NOD1: variants seen among roughly 807,000 people sequenced by gnomAD.
NOD1 encodes the protein nucleotide-binding oligomerization domain-containing protein 1.
NOD1 carries 70 observed loss-of-function variants against 81.2 expected under a neutral mutation model. The ratio of observed to expected loss-of-function variants is 0.86; its 90% confidence interval spans 0.71 to 1.05. The LOEUF (loss-of-function observed/expected upper bound fraction) is 1.05, where lower values mean the gene tolerates loss of function less well. Ranked by LOEUF, NOD1 falls within the 50% of genes least tolerant of loss-of-function variation. The probability of loss-of-function intolerance (pLI) is 0.00; values close to 1 mark genes in which losing one functional copy is unlikely to be tolerated. For missense variants in NOD1, 1,233 were observed against 1,228.0 expected, an observed-to-expected ratio of 1.00 and a Z score of -0.06; for synonymous variants, 508 against 526.9, an observed-to-expected ratio of 0.96 and a Z score of 0.49.
intron 1 of NOD1, among the ~76,000 whole-genome samples, chr7:30,474,302 T>C (rs993557641): frequency 6.6e-6 from 1 of 152,254 alleles, no homozygotes; most frequent in South Asian, 2.1e-4. Context: ...CATCAAATAC[T>C]GAAAACTGCC....
In NOD1 at chr7:30,459,143, T is replaced by G. The variant is rs55816947; in HGVS notation, c.-122+9A>C. On this transcript the variant is annotated intron_variant, in intron 3 of 13. Transcript: ENST00000222823. Reference sequence around the variant, plus strand: ...ACAATATTAAATTTAAATTAGCAGTTAATAATACCTTTTTAAGTTTCTGGC... The same window carrying G: ...ACAATATTAAATTTAAATTAGCAGTGAATAATACCTTTTTAAGTTTCTGGC... 79 of 152,784 alleles carry G rather than the reference T, an allele frequency of 5.2e-4. No individual in the cohort carries two copies. The highest frequency in any genetic ancestry group is 8.2e-4 in the Non-Finnish European group (56 of 68,032). The allele number at this position is 152,784 out of a possible 1,614,324, so 9.5% of individuals were successfully genotyped here. A position where few individuals can be genotyped will look rare whatever the true frequency, so the allele number is the denominator to read the frequency against.
At chr7:30,460,779 C>A in intron 1 of NOD1, 2 of 756,406 alleles carry the variant, frequency 2.6e-6, no homozygotes, top group Non-Finnish European at 3.2e-6. Flanking sequence ...TTCTTTCTAG[C>A]TTTCTGCCCT....
Position 30,451,756 on chromosome 7 carries a change from G to A in NOD1, c.1661C>T (p.Ala554Val), listed in dbSNP as rs5743344. The change falls in exon 6 of 14, where the codon GCG becomes GTG. Residue 554 changes from alanine (A) to valine (V), a missense_variant. By Grantham distance (64) the Ala-to-Val change is moderately conservative. Coordinates refer to ENST00000222823, the MANE Select transcript of NOD1 (RefSeq NM_006092.4). This position sits in a 1 kb window ranked among gnomAD's most constrained non-coding sequence, Gnocchi z 4.2. ...GAAGGGAGGATAGCAGGACGTGGTC[G>A]CTGCCCCCGCAGGGGGCATCCACTC... ...FQEWMPPAGA[A>V]TTSCYPPFLP... The A allele has an allele frequency of 1.3e-4, 216 of 1,613,562 alleles. No individual in the cohort carries two copies. Among genetic ancestry groups the A allele is most frequent in the Middle Eastern group, 4.9e-4 (3 of 6,076 alleles).
intron 12 of NOD1, among the ~76,000 whole-genome samples, chr7:30,429,783 G>C (rs944526594): frequency 6.6e-6 from 1 of 152,196 alleles, no homozygotes; most frequent in African/African-American, 2.4e-5. Flanking sequence ...TGTAATCCCA[G>C]CACTTTGGGA....
rs1352169396 is a variant in NOD1 at position 30,448,306 on chromosome 7, G to A, written c.2277C>T (p.Thr759=). ...TCTGGAGAAAGACATACCCCAAATA[G>A]GTCACAATTTTGTATTTGGTCAGCT... ...SEELTKYKIV[T]YLGLYNNQIT... is the part of the protein sequence containing the mutation. The change falls in exon 7 of 14, where the codon ACC becomes ACT. Residue 759 remains threonine (T), a synonymous_variant. Transcript: ENST00000222823. 1 of 1,613,218 alleles carries A rather than the reference G, an allele frequency of 6.2e-7. No individual in the cohort carries two copies. Among genetic ancestry groups the A allele is most frequent in the Admixed American group, 1.7e-5 (1 of 60,022 alleles).
rs1337303418 is a variant in NOD1, at chr7:30,472,689, C to G, written c.-352+5917G>C. 2.6e-5 allele frequency among the ~76,000 whole-genome samples: 4 copies of G among 152,204 alleles called. No homozygotes were observed. The South Asian group carries it at 8.3e-4, about 32-fold the overall frequency. ...TGGAGCCCCAATGATGGGATTAGTG[C>G]CCTTATAGCAAGAGACATGAGAAAC... is the stretch of plus-strand genomic sequence containing the variant. On this transcript the variant is annotated intron_variant, in intron 1 of 13. Coordinates refer to ENST00000222823, the MANE Select transcript of NOD1 (RefSeq NM_006092.4).
At chr7:30,463,598 TACAC>T in intron 1 of NOD1, 1 of 152,714 alleles carries the variant, frequency 6.5e-6, no homozygotes, top group East Asian at 1.9e-4. Context: ...AAACCACAGA[TACAC>T]ACTCACTCAG....
At chr7:30,432,966 G>A (rs2127997074) in intron 12 of NOD1, 130 bp downstream of exon 12, 1 of 671,938 alleles carries the variant, frequency 1.5e-6, no homozygotes, top group East Asian at 2.7e-5. Flanking sequence ...AGAATTAGGT[G>A]GTGATGGTTG....
At chr7:30,449,578 G>T (rs1262831882) in intron 6 of NOD1, among the ~76,000 whole-genome samples, 4 of 152,238 alleles carry the variant, frequency 2.6e-5, no homozygotes, top group Admixed American at 2.6e-4. Flanking sequence ...GCCGGGTAGT[G>T]AGGATGGCAG....
intron 12 of NOD1, among the ~76,000 whole-genome samples, chr7:30,430,784 T>C (rs893268777): frequency 2.0e-5 from 3 of 152,220 alleles, no homozygotes; most frequent in African/African-American, 7.2e-5. Flanking sequence ...GGAGCTCTTG[T>C]CACTGTTACT....
intron 5 of NOD1, among the ~76,000 whole-genome samples, chr7:30,454,717 T>C (rs1027394068): frequency 1.3e-5 from 2 of 152,018 alleles, no homozygotes; most frequent in African/African-American, 2.4e-5. Context: ...GCTGCAGCCT[T>C]AGACTCTGGG....
chr7:30,475,241 C>G (rs143280655), intron 1 of NOD1, among the ~76,000 whole-genome samples: 85 of 152,324 alleles, frequency 5.6e-4, no homozygotes, highest in Non-Finnish European at 1.0e-3. Flanking sequence ...TACCAAATGA[C>G]TACATTCTCC....
At chr7:30,462,683 T>G (rs1343517225) in intron 1 of NOD1, among the ~76,000 whole-genome samples, 1 of 152,182 alleles carries the variant, frequency 6.6e-6, no homozygotes, top group African/African-American at 2.4e-5. Context: ...GTGCAGTGGC[T>G]CACGCTTGTA....
At position 30,460,535 on chromosome 7, in the gene NOD1, AG is replaced by A. The variant is rs1386381436; in HGVS notation, c.-351-495del. ...TTGGAGATCCTGGTAAGACAGCTCC[AG>A]GGATACCCAAAGGAAAAAACCAAGC... On this transcript the variant is annotated intron_variant, in intron 1 of 13. Coordinates refer to ENST00000222823, the MANE Select transcript of NOD1 (RefSeq NM_006092.4). 6.1e-6 allele frequency: 6 copies of A among 985,328 alleles called. No individual in the cohort carries two copies. The African/African-American group carries it at 1.0e-4, about 17-fold the overall frequency. The allele number at this position is 985,328 out of a possible 1,614,324, so 61.0% of individuals were successfully genotyped here.
chr7:30,430,779 T>G (rs17159048), intron 12 of NOD1, among the ~76,000 whole-genome samples: 2,893 of 152,250 alleles, frequency 0.019, 97 homozygotes, highest in East Asian at 0.14. Context: ...GGAAGGGAGC[T>G]CTTGTCACTG....
At position 30,461,599 on chromosome 7, in the gene NOD1, A is replaced by G. The variant is rs186240107; in HGVS notation, c.-351-1558T>C. On this transcript the variant is annotated intron_variant, in intron 1 of 13. Coordinates refer to ENST00000222823, the MANE Select transcript of NOD1 (RefSeq NM_006092.4). ...TGGATCAACCACATTTCCAGTGCTC[A>G]AGAGCCACATGCGGCCAGGGGCTAC... Among the ~76,000 whole-genome samples the G allele has an allele frequency of 2.6e-5, 4 of 152,358 alleles. No individual in the cohort carries two copies. In the East Asian group the frequency reaches 7.7e-4, roughly 29 times the overall value.
At chr7:30,447,180 A>C (rs1216967143) in intron 7 of NOD1, 130 bp from the exon 8 acceptor site, 4 of 1,516,798 alleles carry the variant, frequency 2.6e-6, no homozygotes, top group Non-Finnish European at 3.6e-6. Context: ...CAGGCACCAG[A>C]GTTTAGGGCT....
chr7:30,466,953 C>T (rs1474171060), intron 1 of NOD1, among the ~76,000 whole-genome samples: 1 of 152,124 alleles, frequency 6.6e-6, no homozygotes, highest in Non-Finnish European at 1.5e-5. Context: ...TGGGTCCTGC[C>T]ACCTCACTCC....
At chr7:30,455,590 C>CT (rs34626585) in intron 4 of NOD1, among the ~76,000 whole-genome samples, 2,016 of 143,034 alleles carry the variant, frequency 0.014, 34 homozygotes, top group South Asian at 0.041. Flanking sequence ...TTCTCTACCT[C>CT]TTTTTTTTTT....
Sources: allele counts gnomAD v4.1 joint callset (sites outside exome capture counted in the v4.1 genomes callset), GRCh38; gene constraint gnomAD v4.1.1; non-coding constraint Gnocchi (gnomAD v3.1); transcripts MANE v1.5; gene names NCBI Gene and HGNC (gene_info 2026-07-23, HGNC 2026-07-21).